The following SNAI1 variants were observed in gnomAD, a reference collection of about 807,000 sequenced individuals.
SNAI1 encodes zinc finger protein SNAI1.
In SNAI1, 15 loss-of-function variants were observed where a neutral mutation model predicts 24.7. The ratio of observed to expected loss-of-function variants is 0.61; its 90% confidence interval spans 0.41 to 0.93. SNAI1 has a LOEUF of 0.93. Among genes scored for constraint, SNAI1 ranks in the 40% least tolerant of loss-of-function variants. SNAI1 has a pLI of 0.00. For missense variants in SNAI1, 283 were observed against 336.7 expected, an observed-to-expected ratio of 0.84 and a Z score of 1.25; for synonymous variants, 163 against 142.9, an observed-to-expected ratio of 1.14 and a Z score of -1.00.
At position 49,987,960 on chromosome 20, in the gene SNAI1, C is replaced by T; in HGVS notation, c.699C>T (p.Val233=). The part of the protein sequence containing the change: ...LRAHLQTHSD[V]KKYQCQACAR... ...CCCACCTCCAGACCCACTCAGATGT[C>T]AAGAAGTACCAGTGCCAGGCGTGTG... Residue 233 remains valine (V), a synonymous_variant, in exon 3 of 3, where the codon GTC becomes GTT. Coordinates refer to ENST00000244050, the MANE Select transcript of SNAI1 (RefSeq NM_005985.4). 1 of 1,614,104 alleles carries T rather than the reference C, an allele frequency of 6.2e-7. No individual in the cohort carries two copies. The highest frequency in any genetic ancestry group is 8.5e-7 in the Non-Finnish European group (1 of 1,179,994).
intron 2 of SNAI1, among the ~76,000 whole-genome samples, chr20:49,984,946 G>A (rs2078329314): frequency 6.6e-6 from 1 of 152,180 alleles, no homozygotes; most frequent in Admixed American, 6.5e-5. Flanking sequence ...TCCTTGCTGT[G>A]TGACTTTGGG....
rs1418628153 is a variant in SNAI1, at chr20:49,983,203, G to T, written c.82+62G>T. On this transcript the variant is annotated intron_variant, in intron 1 of 2. Coordinates refer to ENST00000244050, the MANE Select transcript of SNAI1 (RefSeq NM_005985.4). ...GGGAGACAGGCGAAGGCTGCGTGGG[G>T]GGCACCTGAGGGAGGCGGCCTGCCT... 4.0e-6 allele frequency: 5 copies of T among 1,251,060 alleles called. No homozygotes were observed. The African/African-American group carries it at 7.4e-5, about 19-fold the overall frequency. 77.5% of individuals were successfully genotyped at this position (1,251,060 alleles called of 1,614,324 possible).
chr20:49,983,516 G>A (rs189557078), intron 1 of SNAI1, among the ~76,000 whole-genome samples: 1 of 151,672 alleles, frequency 6.6e-6, no homozygotes, highest in East Asian at 2.0e-4. Context: ...GTGTGAGGAG[G>A]GGGATTGGGG....
At chr20:49,985,591 T>G (rs1377740156) in intron 2 of SNAI1, among the ~76,000 whole-genome samples, 2 of 152,126 alleles carry the variant, frequency 1.3e-5, no homozygotes, top group Non-Finnish European at 2.9e-5. Flanking sequence ...GACATTATTT[T>G]AATGTAAAGG....
chr20:49,984,997 A>G (rs1441535148), intron 2 of SNAI1, among the ~76,000 whole-genome samples: 2 of 134,958 alleles, frequency 1.5e-5, no homozygotes, highest in Non-Finnish European at 3.0e-5. Context: ...GAAAACTATG[A>G]TAGCATATGT....
Position 49,984,093 on chromosome 20 carries a change from G to T in SNAI1, c.352G>T (p.Val118Phe), listed in dbSNP as rs751740656. Residue 118 changes from valine (V) to phenylalanine (F), a missense_variant, in exon 2 of 3, where the codon GTC (valine) becomes TTC (phenylalanine). Coordinates refer to ENST00000244050, the MANE Select transcript of SNAI1 (RefSeq NM_005985.4). ...TCCTTCGTCCTTCTCCTCTACTTCA[G>T]TCTCTTCCTTGGAGGCCGAGGCCTA... is the stretch of plus-strand genomic sequence containing the variant. ...PAPSSFSSTS[V>F]SSLEAEAYAA... 6.2e-7 allele frequency: 1 copy of T among 1,614,230 alleles called. No homozygotes were observed. The highest frequency in any genetic ancestry group is 8.5e-7 in the Non-Finnish European group (1 of 1,180,048).
At position 49,988,361 on chromosome 20, in the gene SNAI1, A is replaced by C. The variant is rs2078340940; in HGVS notation, c.*305A>C. On this transcript the variant is annotated 3_prime_UTR_variant, in exon 3 of 3. Coordinates refer to ENST00000244050, the MANE Select transcript of SNAI1 (RefSeq NM_005985.4). ...TTTTTGTATCCAGAGCTGTTTGGAT[A>C]CAGCTGCTTTGAGCTACAGGACAAA... is the stretch of plus-strand genomic sequence containing the variant. 1 of 305,628 alleles carries C rather than the reference A, an allele frequency of 3.3e-6. No individual in the cohort carries two copies. The allele number at this position is 305,628 out of a possible 1,614,324, so 18.9% of individuals were successfully genotyped here.
intron 1 of SNAI1, among the ~76,000 whole-genome samples, 157 bp from the exon 2 acceptor site, chr20:49,983,667 G>A (rs1221167579): frequency 6.6e-6 from 1 of 151,996 alleles, no homozygotes; most frequent in Non-Finnish European, 1.5e-5. Flanking sequence ...TGACCTGGGC[G>A]AGGAGGGCAG....
In SNAI1 at chr20:49,988,255, C is replaced by G. The variant is rs570406032; in HGVS notation, c.*199C>G. 1.3e-5 allele frequency: 7 copies of G among 558,232 alleles called. No individual in the cohort carries two copies. The South Asian group carries it at 1.5e-4, about 12-fold the overall frequency. 34.6% of individuals were successfully genotyped at this position (558,232 alleles called of 1,614,324 possible). A position where few individuals can be genotyped will look rare whatever the true frequency, so the allele number is the denominator to read the frequency against. ...TCCTCTGCCTGGGCTCTGGAAGAGG[C>G]CTTCCCATGGCCATTTCTGTGGAGG... On this transcript the variant is annotated 3_prime_UTR_variant, in exon 3 of 3. Coordinates refer to ENST00000244050, the MANE Select transcript of SNAI1 (RefSeq NM_005985.4).
At chr20:49,983,628 G>C (rs2078323772) in intron 1 of SNAI1, among the ~76,000 whole-genome samples, 196 bp from the exon 2 acceptor site, 1 of 151,912 alleles carries the variant, frequency 6.6e-6, no homozygotes, top group Admixed American at 6.6e-5. Context: ...TTCAACTGGG[G>C]GTCCTACGTG....
chr20:49,987,592 C>T (rs561660665), intron 2 of SNAI1, among the ~76,000 whole-genome samples: 3 of 152,276 alleles, frequency 2.0e-5, no homozygotes, highest in Admixed American at 6.5e-5. Flanking sequence ...TACCTTCTGT[C>T]ACTTATCAAC....
intron 2 of SNAI1, 123 bp from the exon 3 acceptor site, chr20:49,987,748 CG>C: frequency 1.1e-6 from 1 of 874,444 alleles, no homozygotes; most frequent in South Asian, 1.5e-5. Flanking sequence ...GTGTGTTTGA[CG>C]GAGGCCTGGC....
In SNAI1 at chr20:49,983,007, G is replaced by C; in HGVS notation, c.-53G>C. On this transcript the variant is annotated 5_prime_UTR_variant, in exon 1 of 3. Transcript: ENST00000244050. ...TGCGCCGCGGCACGGCCTAGCGAGT[G>C]GTTCTTCTGCGCTACTGCTGCGCGA... 1 of 1,361,420 alleles carries C rather than the reference G, an allele frequency of 7.3e-7. No individual in the cohort carries two copies. The highest frequency in any genetic ancestry group is 1.0e-6 in the Non-Finnish European group (1 of 961,240). The allele number at this position is 1,361,420 out of a possible 1,614,324, so 84.3% of individuals were successfully genotyped here.
rs4647954 is a variant in SNAI1 at position 49,983,012 on chromosome 20, T to G, written c.-48T>G. On this transcript the variant is annotated 5_prime_UTR_variant, in exon 1 of 3. Transcript: ENST00000244050. ...CGCGGCACGGCCTAGCGAGTGGTTC[T>G]TCTGCGCTACTGCTGCGCGAATCGG... 1.7e-5 allele frequency: 24 copies of G among 1,442,450 alleles called. No individual in the cohort carries two copies. The highest frequency in any genetic ancestry group is 1.7e-4 in the Middle Eastern group (1 of 5,732). 89.4% of individuals were successfully genotyped at this position (1,442,450 alleles called of 1,614,324 possible).
At chr20:49,983,695 T>A (rs1177717134) in intron 1 of SNAI1, 129 bp from the exon 2 acceptor site, 3 of 920,744 alleles carry the variant, frequency 3.3e-6, no homozygotes, top group Non-Finnish European at 4.8e-6. Flanking sequence ...GTCTGTCCTG[T>A]GGATAATTTT....
Position 49,987,951 on chromosome 20 carries a change from C to T in SNAI1, c.690C>T (p.His230=). The change falls in exon 3 of 3, where the codon CAC becomes CAT. Residue 230 remains histidine (H), a synonymous_variant. Transcript: ENST00000244050. ...ACCTGCGGGCCCACCTCCAGACCCA[C>T]TCAGATGTCAAGAAGTACCAGTGCC... is the stretch of plus-strand genomic sequence containing the variant. The part of the protein sequence containing the change: ...RSNLRAHLQT[H]SDVKKYQCQA... 1 of 1,614,112 alleles carries T rather than the reference C, an allele frequency of 6.2e-7. No individual in the cohort carries two copies. Among genetic ancestry groups the T allele is most frequent in the South Asian group, 1.1e-5 (1 of 91,076 alleles).
chr20:49,987,337 C>T (rs927708822), intron 2 of SNAI1, among the ~76,000 whole-genome samples: 4 of 152,176 alleles, frequency 2.6e-5, no homozygotes, highest in Non-Finnish European at 4.4e-5. Context: ...CAAGGAATGA[C>T]TCCAGGACTG....
At position 49,983,013 on chromosome 20, in the gene SNAI1, T is replaced by C. The variant is rs776784636; in HGVS notation, c.-47T>C. On this transcript the variant is annotated 5_prime_UTR_variant, in exon 1 of 3. Coordinates refer to ENST00000244050, the MANE Select transcript of SNAI1 (RefSeq NM_005985.4). ...GCGGCACGGCCTAGCGAGTGGTTCT[T>C]CTGCGCTACTGCTGCGCGAATCGGC... is the stretch of plus-strand genomic sequence containing the variant. 1.4e-6 allele frequency: 2 copies of C among 1,423,384 alleles called. No individual in the cohort carries two copies. The highest frequency in any genetic ancestry group is 1.4e-5 in the African/African-American group (1 of 70,282). 88.2% of individuals were successfully genotyped at this position (1,423,384 alleles called of 1,614,324 possible).
At position 49,983,193 on chromosome 20, in the gene SNAI1, G is replaced by T. The variant is rs372097679; in HGVS notation, c.82+52G>T. On this transcript the variant is annotated intron_variant, in intron 1 of 2. Coordinates refer to ENST00000244050, the MANE Select transcript of SNAI1 (RefSeq NM_005985.4). The stretch of plus-strand genomic sequence containing the variant: ...GGAGGTTTGGGGGAGACAGGCGAAG[G>T]CTGCGTGGGGGGCACCTGAGGGAGG... The T allele has an allele frequency of 7.0e-3, 9,681 of 1,392,378 alleles. 43 individuals are homozygous for T. Among genetic ancestry groups the T allele is most frequent in the Non-Finnish European group, 7.8e-3 (7,709 of 984,404 alleles). The allele number at this position is 1,392,378 out of a possible 1,614,324, so 86.3% of individuals were successfully genotyped here.
Sources: gnomAD v4.1 joint callset for allele counts (sites outside exome capture counted in the v4.1 genomes callset) on GRCh38, gnomAD v4.1.1 for gene constraint, MANE v1.5 for transcripts, NCBI Gene and HGNC (gene_info 2026-07-23, HGNC 2026-07-21) for gene names.